The following NRXN3 variants were observed in gnomAD, a reference collection of about 807,000 sequenced individuals.
The protein encoded by NRXN3 is neurexin 3.
Under a neutral mutation model 137.6 loss-of-function variants are expected in NRXN3, and 32 were observed. That is an observed-to-expected ratio of 0.23 (90% CI 0.18 to 0.31). NRXN3 has a LOEUF of 0.31. Ranked by LOEUF, NRXN3 falls within the 10% of genes least tolerant of loss-of-function variation. The pLI, the probability that NRXN3 is intolerant of heterozygous loss-of-function variation, is 1.00. For synonymous variants in NRXN3, 798 were observed against 784.5 expected, an observed-to-expected ratio of 1.02 and a Z score of -0.29; for missense variants, 1,574 against 2,062.5, an observed-to-expected ratio of 0.76 and a Z score of 4.59.
At chr14:78,444,349 C>T (rs1365724161) in intron 4 of NRXN3, among the ~76,000 whole-genome samples, 1 of 152,158 alleles carries the variant, frequency 6.6e-6, no homozygotes, top group East Asian at 1.9e-4. Context: ...GTGCCCAGCT[C>T]CTGTGTTTTT....
chr14:79,848,770 T>C (rs1396616989), intron 20 of NRXN3, among the ~76,000 whole-genome samples: 1 of 152,130 alleles, frequency 6.6e-6, no homozygotes, highest in Non-Finnish European at 1.5e-5. Context: ...TGTTTTAATC[T>C]TCTGGGTGAT....
chr14:78,634,652 A>G (rs1226070570), intron 4 of NRXN3, among the ~76,000 whole-genome samples: 3 of 152,146 alleles, frequency 2.0e-5, no homozygotes, highest in African/African-American at 7.2e-5. Context: ...TTTTTGCTTT[A>G]TATCTTTTTG....
intron 4 of NRXN3, among the ~76,000 whole-genome samples, chr14:78,415,796 C>T (rs566559657): frequency 5.3e-5 from 8 of 152,012 alleles, no homozygotes; most frequent in Admixed American, 2.0e-4. Flanking sequence ...GCTTATGAAA[C>T]GAGGAAGAGA....
At chr14:78,184,025 A>G (rs2060029073) in intron 1 of NRXN3, among the ~76,000 whole-genome samples, 2 of 152,232 alleles carry the variant, frequency 1.3e-5, no homozygotes, top group South Asian at 2.1e-4. Flanking sequence ...CTCCTTACAA[A>G]TGTGAGTTGA....
chr14:79,689,385 G>A (rs1257829536), intron 17 of NRXN3, among the ~76,000 whole-genome samples: 1 of 152,058 alleles, frequency 6.6e-6, no homozygotes, highest in Non-Finnish European at 1.5e-5. Context: ...TCATGCACAT[G>A]TTTCTAAAAC....
chr14:79,752,996 A>G (rs1263631977), intron 19 of NRXN3, among the ~76,000 whole-genome samples: 1 of 151,826 alleles, frequency 6.6e-6, no homozygotes, highest in African/African-American at 2.4e-5. Flanking sequence ...CCATCAGAGA[A>G]ATGCAAATCA....
rs79067656 is a variant in NRXN3 at position 79,329,396 on chromosome 14, C to T, written c.3263-137825C>T. Reference sequence around the variant, plus strand: ...GATAAAATTATTAAGTGTTTCAAGACGGAGAGACAGGAGAATATTAAACCA... The same window carrying T: ...GATAAAATTATTAAGTGTTTCAAGATGGAGAGACAGGAGAATATTAAACCA... On this transcript the variant is annotated intron_variant, in intron 15 of 20. Coordinates refer to ENST00000335750, the MANE Select transcript of NRXN3 (RefSeq NM_001330195.2). Among the ~76,000 whole-genome samples, 197 of 152,228 alleles carry T rather than the reference C, an allele frequency of 1.3e-3. 1 individual carries two copies. In the East Asian group the frequency reaches 0.027, roughly 21 times the overall value.
At chr14:79,625,455 C>T (rs2098271917) in intron 16 of NRXN3, among the ~76,000 whole-genome samples, 1 of 152,154 alleles carries the variant, frequency 6.6e-6, no homozygotes, top group Admixed American at 6.5e-5. Context: ...TATTTCATTT[C>T]CTCTGGGTAT....
intron 16 of NRXN3, among the ~76,000 whole-genome samples, chr14:79,568,478 A>C (rs568192014): frequency 7.9e-5 from 12 of 151,066 alleles, no homozygotes; most frequent in African/African-American, 2.2e-4. Flanking sequence ...ATTTTGACCT[A>C]AATTTTACCC....
At chr14:79,009,490 A>G (rs2099566937) in intron 15 of NRXN3, among the ~76,000 whole-genome samples, 1 of 152,144 alleles carries the variant, frequency 6.6e-6, no homozygotes, top group East Asian at 1.9e-4. Flanking sequence ...TCCAGTTGTC[A>G]GGTTTGGGCA....
intron 15 of NRXN3, among the ~76,000 whole-genome samples, chr14:79,315,695 C>T (rs1014533717): frequency 1.3e-5 from 2 of 152,132 alleles, no homozygotes; most frequent in South Asian, 4.1e-4. Flanking sequence ...AATTATTTTC[C>T]TCATCTTCTT....
At chr14:79,522,525 A>G (rs932942169) in intron 16 of NRXN3, among the ~76,000 whole-genome samples, 2 of 152,224 alleles carry the variant, frequency 1.3e-5, no homozygotes, top group African/African-American at 4.8e-5. Context: ...AGGAGATAGC[A>G]AGACTTAAGG....
At chr14:79,540,266 G>GATATATA (rs2097259684) in intron 16 of NRXN3, among the ~76,000 whole-genome samples, 1 of 149,574 alleles carries the variant, frequency 6.7e-6, no homozygotes, top group African/African-American at 2.5e-5. Flanking sequence ...TGGGTATTAT[G>GATATATA]CATATAAATA....
chr14:78,462,379 G>A (rs1161493177), intron 4 of NRXN3, among the ~76,000 whole-genome samples: 1 of 152,148 alleles, frequency 6.6e-6, no homozygotes, highest in African/African-American at 2.4e-5. Flanking sequence ...TTATGGGTTT[G>A]CTCTGATAAG....
chr14:79,751,057 C>A (rs1428799918), intron 19 of NRXN3, among the ~76,000 whole-genome samples: 1 of 151,688 alleles, frequency 6.6e-6, no homozygotes, highest in African/African-American at 2.4e-5. Context: ...GATGCAGGCT[C>A]TTTTTTGGTT....
intron 15 of NRXN3, among the ~76,000 whole-genome samples, chr14:79,124,173 T>G (rs2055996350): frequency 6.6e-6 from 1 of 152,156 alleles, no homozygotes; most frequent in Non-Finnish European, 1.5e-5. Context: ...TAGTCATCCT[T>G]GCTGCTTTAG....
At chr14:79,399,022 A>AG (rs2095110348) in intron 15 of NRXN3, among the ~76,000 whole-genome samples, 1 of 151,094 alleles carries the variant, frequency 6.6e-6, no homozygotes, top group Admixed American at 6.6e-5. Context: ...AAAAAAAAAA[A>AG]AAAAAGAAGA....
rs375434546 is a variant in NRXN3, at chr14:78,212,380, A to G, written c.-703-30011A>G. 3.3e-5 allele frequency among the ~76,000 whole-genome samples: 5 copies of G among 152,118 alleles called. No homozygotes were observed. The South Asian group carries it at 8.3e-4, about 25-fold the overall frequency. ...TTGCCCCCACCCTTAAATGAAATTA[A>G]TGGCTTGAGGCTTCCTCAAAAACAA... On this transcript the variant is annotated intron_variant, in intron 1 of 20. Coordinates refer to ENST00000335750, the MANE Select transcript of NRXN3 (RefSeq NM_001330195.2).
chr14:78,792,566 C>G (rs1385414069), intron 8 of NRXN3, among the ~76,000 whole-genome samples: 1 of 152,134 alleles, frequency 6.6e-6, no homozygotes, highest in African/African-American at 2.4e-5. Context: ...ATATAAAGAA[C>G]TGACTCTGAA....
Sources: allele counts gnomAD v4.1 joint callset (sites outside exome capture counted in the v4.1 genomes callset), GRCh38; gene constraint gnomAD v4.1.1; transcripts MANE v1.5; gene names NCBI Gene and HGNC (gene_info 2026-07-23, HGNC 2026-07-21).